Variants in RARB observed in about 807,000 individuals in gnomAD.
RARB encodes the protein retinoic acid receptor beta, also known as HBV-activated protein.
Under a neutral mutation model 51.9 loss-of-function variants are expected in RARB, and 17 were observed. That is an observed-to-expected ratio of 0.33 (90% confidence interval 0.22 to 0.49). RARB has a LOEUF of 0.49. RARB is among the 20% of genes least tolerant of loss of function. The probability of loss-of-function intolerance (pLI) is 0.99; values close to 1 mark genes in which losing one functional copy is unlikely to be tolerated. For missense variants in RARB, 369 were observed against 550.8 expected (o/e 0.67, Z 3.30); for synonymous variants, 215 against 195.4 (o/e 1.10, Z -0.84).
chr3:24,841,825 C>CAA (rs574119966), intron 1 of RARB, among the ~76,000 whole-genome samples: 2 of 152,164 alleles, frequency 1.3e-5, no homozygotes, highest in Non-Finnish European at 2.9e-5. Context: ...ACACTGCACA[C>CAA]ATTTTAGAAA....
chr3:24,841,313 C>T (rs142792945), intron 1 of RARB, among the ~76,000 whole-genome samples: 1 of 152,286 alleles, frequency 6.6e-6, no homozygotes, highest in East Asian at 1.9e-4. Context: ...ATAGTGTCAA[C>T]ATAGATCATA....
intron 3 of RARB, among the ~76,000 whole-genome samples, chr3:25,076,954 T>C (rs879928168): frequency 3.5e-4 from 54 of 152,296 alleles, no homozygotes; most frequent in African/African-American, 1.2e-3. Flanking sequence ...ATAAACATCA[T>C]TGTAAGTGAG....
At chr3:25,372,314 C>A (rs1308778883) in intron 5 of RARB, among the ~76,000 whole-genome samples, 1 of 152,192 alleles carries the variant, frequency 6.6e-6, no homozygotes, top group African/African-American at 2.4e-5. Flanking sequence ...CCACTAGATG[C>A]CACGCCCATG....
At chr3:24,852,146 G>T (rs1290896474) in intron 1 of RARB, among the ~76,000 whole-genome samples, 1 of 152,116 alleles carries the variant, frequency 6.6e-6, no homozygotes, top group African/African-American at 2.4e-5. Flanking sequence ...TGTTAGTGAT[G>T]GGTTAACAGT....
chr3:24,912,697 A>G (rs1695015410), intron 2 of RARB, among the ~76,000 whole-genome samples: 2 of 152,194 alleles, frequency 1.3e-5, no homozygotes, highest in South Asian at 4.1e-4. Context: ...AAATCTTTCT[A>G]CATGATTAAA....
intron 2 of RARB, among the ~76,000 whole-genome samples, chr3:25,500,699 A>C (rs1044770336): frequency 1.3e-5 from 2 of 151,690 alleles, no homozygotes; most frequent in Non-Finnish European, 2.9e-5. Flanking sequence ...GGCTGGTCTC[A>C]AACTCCTTAC....
intron 2 of RARB, among the ~76,000 whole-genome samples, chr3:24,922,854 G>A (rs529366658): frequency 6.6e-6 from 1 of 152,234 alleles, no homozygotes; most frequent in South Asian, 2.1e-4. Context: ...GTGTCTCAGG[G>A]TTATAGACCC....
Position 25,393,697 on chromosome 3 carries a change from G to A in RARB, c.179-67496G>A, listed in dbSNP as rs185290440. ...CATAAAGGTGTTCTAGTTTGTGCAC[G>A]TGAAGGTGTTCATAGTAGCCTTGAA... On this transcript the variant is annotated intron_variant, in intron 5 of 11. Coordinates refer to the RARB transcript ENST00000383772. Among the ~76,000 whole-genome samples the A allele has an allele frequency of 1.2e-3, 187 of 152,030 alleles. 1 individual carries two copies. The highest frequency in any genetic ancestry group is 0.011 in the Admixed American group (164 of 15,270).
intron 3 of RARB, among the ~76,000 whole-genome samples, chr3:25,564,250 G>T (rs1296207347): frequency 6.6e-6 from 1 of 152,130 alleles, no homozygotes; most frequent in Non-Finnish European, 1.5e-5. Flanking sequence ...CATTTCATTT[G>T]CAATATGATA....
intron 2 of RARB, among the ~76,000 whole-genome samples, chr3:24,896,181 G>C (rs377242185): frequency 3.2e-4 from 48 of 152,254 alleles, no homozygotes; most frequent in East Asian, 2.5e-3. Flanking sequence ...AGACAAAGTT[G>C]AATCATGGTT....
intron 5 of RARB, among the ~76,000 whole-genome samples, chr3:25,338,491 T>C (rs980605764): frequency 3.3e-5 from 5 of 152,196 alleles, no homozygotes; most frequent in Admixed American, 2.6e-4. Context: ...AATTACCCAC[T>C]GTCAATTATT....
intron 3 of RARB, among the ~76,000 whole-genome samples, chr3:25,128,687 G>T (rs1699898922): frequency 1.3e-5 from 2 of 151,770 alleles, no homozygotes; most frequent in African/African-American, 4.8e-5. Context: ...TCCCCGTGTA[G>T]TTATACAAGG....
intron 2 of RARB, among the ~76,000 whole-genome samples, chr3:25,030,567 A>G (rs1697850108): frequency 6.6e-6 from 1 of 152,230 alleles, no homozygotes; most frequent in Admixed American, 6.5e-5. Flanking sequence ...ATGTTATCTC[A>G]TGCTTCTTCC....
At position 25,091,716 on chromosome 3, in the gene RARB, T is replaced by G. The variant is rs184457610; in HGVS notation, c.-328+31540T>G. ...CAGTTGGATACATTTAAAAGCATTC[T>G]GGAAACTGAAATGTGAACATCTGTA... is the stretch of plus-strand genomic sequence containing the variant. On this transcript the variant is annotated intron_variant, in intron 3 of 11. Coordinates refer to the RARB transcript ENST00000383772. 9.2e-5 allele frequency among the ~76,000 whole-genome samples: 14 copies of G among 152,246 alleles called. No individual in the cohort carries two copies. In the East Asian group the frequency reaches 2.5e-3, roughly 27 times the overall value.
intron 2 of RARB, among the ~76,000 whole-genome samples, chr3:24,903,804 T>G (rs574517918): frequency 6.6e-6 from 1 of 152,202 alleles, no homozygotes; most frequent in Non-Finnish European, 1.5e-5. Context: ...GACTGAAATA[T>G]GTTCTCTATA....
chr3:25,150,104 G>A (rs768658552), intron 4 of RARB, among the ~76,000 whole-genome samples: 1 of 151,858 alleles, frequency 6.6e-6, no homozygotes, highest in Non-Finnish European at 1.5e-5. Flanking sequence ...CGGAGGCTGA[G>A]GCAGAAGAAT....
intron 4 of RARB, among the ~76,000 whole-genome samples, chr3:25,134,271 A>G (rs1312083327): frequency 6.6e-6 from 1 of 151,936 alleles, no homozygotes. Flanking sequence ...TTAATGGGAA[A>G]TCTTTAGTCA....
At chr3:25,316,169 AGG>A (rs1351921872) in intron 5 of RARB, among the ~76,000 whole-genome samples, 1 of 152,202 alleles carries the variant, frequency 6.6e-6, no homozygotes, top group Non-Finnish European at 1.5e-5. Context: ...TTAAGCCCAC[AGG>A]TTGATCTGAG....
intron 2 of RARB, among the ~76,000 whole-genome samples, chr3:24,937,802 A>T (rs1291643227): frequency 6.6e-6 from 1 of 152,084 alleles, no homozygotes; most frequent in African/African-American, 2.4e-5. Flanking sequence ...GTTTTTTATT[A>T]AAAAAATGGG....
Sources: allele counts gnomAD v4.1 joint callset (sites outside exome capture counted in the v4.1 genomes callset), GRCh38; gene constraint gnomAD v4.1.1; transcripts MANE v1.5; gene names NCBI Gene and HGNC (gene_info 2026-07-23, HGNC 2026-07-21).